The following DIP2B variants were observed in gnomAD, a reference collection of about 807,000 sequenced individuals.
DIP2B encodes the protein disco-interacting protein 2 homolog B.
Under a neutral mutation model 198.0 loss-of-function variants are expected in DIP2B, and 76 were observed. The ratio of observed to expected loss-of-function variants is 0.38; its 90% CI spans 0.32 to 0.46. The LOEUF (loss-of-function observed/expected upper bound fraction) is 0.46, where lower values mean the gene tolerates loss of function less well. DIP2B is among the 20% of genes least tolerant of loss of function. DIP2B has a pLI of 0.99. For missense variants in DIP2B, 1,559 were observed against 1,978.4 expected (o/e 0.79, Z 4.02); for synonymous variants, 701 against 739.1 (o/e 0.95, Z 0.84).
intron 2 of DIP2B, among the ~76,000 whole-genome samples, chr12:50,628,911 C>T (rs953838312): frequency 5.3e-5 from 8 of 152,156 alleles, no homozygotes; most frequent in African/African-American, 1.9e-4. Flanking sequence ...CAGGGTCTGG[C>T]TCTGTCGCCC....
chr12:50,563,811 TA>T lies in DIP2B; in HGVS notation c.100+58575del, dbSNP rs775177029. Among the ~76,000 whole-genome samples, 19 of 145,916 alleles carry T rather than the reference TA, an allele frequency of 1.3e-4. No individual in the cohort carries two copies. The Admixed American group carries it at 1.3e-3, about 10-fold the overall frequency. Reference sequence around the variant, plus strand: ...TTGCCCAGCCTAATTTTTTTTTTTTTAAAAGCTCATTCTGTGTACCTTAACT... The same window carrying T: ...TTGCCCAGCCTAATTTTTTTTTTTTTAAAGCTCATTCTGTGTACCTTAACT... On this transcript the variant is annotated intron_variant, in intron 1 of 37. Transcript: ENST00000301180.
chr12:50,660,342 T>A (rs897311547), intron 4 of DIP2B, 23 bp downstream of exon 4: 10 of 1,588,608 alleles, frequency 6.3e-6, no homozygotes, highest in Non-Finnish European at 7.7e-6. Flanking sequence ...GAGCTTTTTC[T>A]CTCTGACAGT....
At position 50,723,328 on chromosome 12, in the gene DIP2B, G is replaced by C. The variant is rs1336768346; in HGVS notation, c.3288+5G>C. ...ACTGTCCGAATGATTGTTGATGTAAGTACCAGCTGTATCTTGCCTTGTCCT... is the reference window on the plus strand; with the variant it reads ...ACTGTCCGAATGATTGTTGATGTAACTACCAGCTGTATCTTGCCTTGTCCT... On this transcript the variant is annotated splice_donor_5th_base_variant and intron_variant, in intron 27 of 37. Coordinates refer to ENST00000301180, the MANE Select transcript of DIP2B (RefSeq NM_173602.3). 1 of 1,613,972 alleles carries C rather than the reference G, an allele frequency of 6.2e-7. No homozygotes were observed. Among genetic ancestry groups the C allele is most frequent in the Admixed American group, 1.7e-5 (1 of 59,990 alleles).
intron 19 of DIP2B, among the ~76,000 whole-genome samples, chr12:50,701,814 G>T (rs777853341): frequency 6.6e-6 from 1 of 152,154 alleles, no homozygotes; most frequent in Non-Finnish European, 1.5e-5. Context: ...TTTGAGGCAA[G>T]TGAAACTCAC....
chr12:50,615,452 C>T (rs918822385), intron 1 of DIP2B, among the ~76,000 whole-genome samples: 8 of 152,298 alleles, frequency 5.3e-5, no homozygotes, highest in African/African-American at 1.9e-4. Context: ...AGGCCCTTAG[C>T]ATCCAAAGGC....
rs543600118 is a variant in DIP2B, at chr12:50,672,005, T to A, written c.640+607T>A. ...TTTGTGTGTGTGTTTTTTTAAAGAG[T>A]TGTGACATCTGCAGATAAAGATACA... On this transcript the variant is annotated intron_variant, in intron 5 of 37. Coordinates refer to ENST00000301180, the MANE Select transcript of DIP2B (RefSeq NM_173602.3). 1.2e-3 allele frequency among the ~76,000 whole-genome samples: 184 copies of A among 152,188 alleles called. No homozygotes were observed. In the South Asian group the frequency reaches 0.038, roughly 31 times the overall value.
chr12:50,693,660 C>A (rs1300087222), intron 14 of DIP2B, among the ~76,000 whole-genome samples: 2 of 152,118 alleles, frequency 1.3e-5, no homozygotes, highest in Admixed American at 6.5e-5. Flanking sequence ...TTTCTGAAAC[C>A]TTTTCCATTT....
At chr12:50,548,439 T>C (rs191347498) in intron 1 of DIP2B, among the ~76,000 whole-genome samples, 13 of 152,360 alleles carry the variant, frequency 8.5e-5, no homozygotes, top group African/African-American at 2.9e-4. Context: ...ACACACAAAA[T>C]ACAGAGTAAC....
At chr12:50,688,021 G>A (rs957650742) in intron 12 of DIP2B, among the ~76,000 whole-genome samples, 3 of 152,050 alleles carry the variant, frequency 2.0e-5, no homozygotes, top group Non-Finnish European at 2.9e-5. Flanking sequence ...GACCAGACTG[G>A]CCAACATAGT....
Position 50,741,434 on chromosome 12 carries a change from A to G in DIP2B, c.4373A>G (p.Tyr1458Cys). The G allele has an allele frequency of 6.2e-7, 1 of 1,614,018 alleles. No individual in the cohort carries two copies. ...CTGTCAGAGCGTCATGATGCATTGT[A>G]TGTGGTGGGAGCGCTGGATGAAACA... ...AATGERHDAL[Y>C]VVGALDETLE... Residue 1458 changes from tyrosine to cysteine, a missense_variant, in exon 37 of 38, where the codon TAT becomes TGT. Coordinates refer to ENST00000301180, the MANE Select transcript of DIP2B (RefSeq NM_173602.3).
At chr12:50,656,334 T>C (rs899414148) in intron 3 of DIP2B, among the ~76,000 whole-genome samples, 1 of 152,134 alleles carries the variant, frequency 6.6e-6, no homozygotes, top group Admixed American at 6.5e-5. Context: ...TAATTCTAGG[T>C]CTGGAGGAGG....
At chr12:50,619,334 T>G (rs1593660860) in intron 1 of DIP2B, among the ~76,000 whole-genome samples, 1 of 152,166 alleles carries the variant, frequency 6.6e-6, no homozygotes, top group African/African-American at 2.4e-5. Context: ...CCTGAACAAC[T>G]ACCAAACATG....
intron 1 of DIP2B, among the ~76,000 whole-genome samples, chr12:50,615,706 T>G (rs1163876582): frequency 6.6e-6 from 1 of 152,194 alleles, no homozygotes; most frequent in East Asian, 1.9e-4. Context: ...ACTTTTGCAT[T>G]TATTCTCTCA....
intron 4 of DIP2B, among the ~76,000 whole-genome samples, chr12:50,669,689 T>C (rs1938816036): frequency 6.6e-6 from 1 of 152,184 alleles, no homozygotes; most frequent in Non-Finnish European, 1.5e-5. Context: ...CCTCCCAAAG[T>C]ACTGGGATTA....
intron 1 of DIP2B, among the ~76,000 whole-genome samples, chr12:50,584,490 C>T (rs916389609): frequency 1.3e-5 from 2 of 152,196 alleles, no homozygotes; most frequent in Admixed American, 6.5e-5. Context: ...TCTGTGCTTC[C>T]ATTTTTGTCT....
intron 1 of DIP2B, among the ~76,000 whole-genome samples, chr12:50,553,358 T>C (rs1351887742): frequency 6.6e-6 from 1 of 152,206 alleles, no homozygotes; most frequent in African/African-American, 2.4e-5. Context: ...ACAGATTGTG[T>C]TTGTTTTGCT....
chr12:50,624,956 A>G (rs1277177223), intron 1 of DIP2B, among the ~76,000 whole-genome samples: 1 of 152,184 alleles, frequency 6.6e-6, no homozygotes, highest in Non-Finnish European at 1.5e-5. Context: ...TTGATTGCAA[A>G]TTTGTATCCG....
chr12:50,704,108 A>G (rs1939471225), intron 19 of DIP2B, 32 bp from the exon 20 acceptor site: 52 of 1,591,610 alleles, frequency 3.3e-5, no homozygotes, highest in Non-Finnish European at 4.3e-5. Flanking sequence ...AGAAAAAGCA[A>G]AGTTTTTCAC....
At position 50,505,022 on chromosome 12, in the gene DIP2B, C is replaced by CGGT. The variant is rs1555179952; in HGVS notation, c.-117_-115dup. On this transcript the variant is annotated 5_prime_UTR_variant, in exon 1 of 38. Coordinates refer to ENST00000301180, the MANE Select transcript of DIP2B (RefSeq NM_173602.3). ...CTCATGGCGGCGGCGGCGGCGGCGG[C>CGGT]GGTGCTGGTGGTGCTCGGCGGCCGG... The CGGT allele has an allele frequency of 2.6e-4, 262 of 1,001,050 alleles. No individual in the cohort carries two copies. Among genetic ancestry groups the CGGT allele is most frequent in the Middle Eastern group, 3.2e-4 (1 of 3,128 alleles). The allele number at this position is 1,001,050 out of a possible 1,614,324, so 62.0% of individuals were successfully genotyped here.
Sources: allele counts gnomAD v4.1 joint callset (sites outside exome capture counted in the v4.1 genomes callset), GRCh38; gene constraint gnomAD v4.1.1; transcripts MANE v1.5; gene names NCBI Gene and HGNC (gene_info 2026-07-23, HGNC 2026-07-21).